The following DRGX variants were observed in gnomAD, a reference collection of about 807,000 sequenced individuals.
DRGX encodes dorsal root ganglia homeobox.
A neutral mutation model predicts 28.6 loss-of-function variants in DRGX; 21 were observed. That is an observed-to-expected ratio of 0.73 (90% CI 0.52 to 1.06). The LOEUF (loss-of-function observed/expected upper bound fraction) is 1.06. DRGX is among the 50% of genes least tolerant of loss of function. The pLI is 0.00. For missense variants in DRGX, 354 were observed against 343.9 expected, an observed-to-expected ratio of 1.03 and a Z score of -0.23; for synonymous variants, 136 against 139.1, an observed-to-expected ratio of 0.98 and a Z score of 0.16.
Position 49,365,628 on chromosome 10 carries a change from T to G in DRGX, c.*488A>C. Reference sequence around the variant, plus strand: ...AGAGAAAGGGCATTACTGCTCATCTTGGTCCAGGGGAGCAAGAGTCGCTTG... The same window carrying G: ...AGAGAAAGGGCATTACTGCTCATCTGGGTCCAGGGGAGCAAGAGTCGCTTG... On this transcript the variant is annotated 3_prime_UTR_variant, in exon 7 of 7. Transcript: ENST00000374139. 1 of 153,850 alleles carries G rather than the reference T, an allele frequency of 6.5e-6. No homozygotes were observed. The highest frequency in any genetic ancestry group is 1.4e-5 in the Non-Finnish European group (1 of 69,142). The allele number at this position is 153,850 out of a possible 1,614,324, so 9.5% of individuals were successfully genotyped here.
intron 6 of DRGX, among the ~76,000 whole-genome samples, chr10:49,383,012 G>A (rs1312825109): frequency 6.6e-6 from 1 of 152,034 alleles, no homozygotes; most frequent in Non-Finnish European, 1.5e-5. Context: ...CCAGGGTCCT[G>A]GAGCAGAGAT....
intron 6 of DRGX, among the ~76,000 whole-genome samples, chr10:49,383,757 G>A (rs1351574532): frequency 6.6e-6 from 1 of 152,202 alleles, no homozygotes; most frequent in Non-Finnish European, 1.5e-5. Flanking sequence ...TCCACAAGGA[G>A]CAGTCAGCAG....
intron 2 of DRGX, 37 bp downstream of exon 2, chr10:49,395,370 G>C: frequency 6.5e-7 from 1 of 1,547,834 alleles, no homozygotes; most frequent in East Asian, 2.4e-5. Flanking sequence ...GGCCGGCTCT[G>C]GCTTCATGGA....
At chr10:49,374,951 C>A (rs929609854) in intron 6 of DRGX, among the ~76,000 whole-genome samples, 1 of 152,186 alleles carries the variant, frequency 6.6e-6, no homozygotes, top group African/African-American at 2.4e-5. Flanking sequence ...CTTATTTCCA[C>A]TTTGTAGTAA....
chr10:49,383,709 C>A lies in DRGX; in HGVS notation c.526+2769G>T, dbSNP rs145841918. ...GGAGCTCTCGTGAATGGGACTCGTG[C>A]CCTCTTAAGAAGAGTCCTGAGAGGA... On this transcript the variant is annotated intron_variant, in intron 6 of 6. Transcript: ENST00000374139. Among the ~76,000 whole-genome samples the A allele has an allele frequency of 3.4e-3, 525 of 152,324 alleles. 2 individuals carry two copies. Among genetic ancestry groups the A allele is most frequent in the African/African-American group, 0.012 (506 of 41,566 alleles).
intron 4 of DRGX, among the ~76,000 whole-genome samples, chr10:49,388,377 CAG>C (rs1337179893): frequency 6.6e-6 from 1 of 152,270 alleles, no homozygotes; most frequent in Non-Finnish European, 1.5e-5. Flanking sequence ...ACACTGGCCC[CAG>C]AGAGAGCCTG....
At chr10:49,381,419 C>T (rs995545884) in intron 6 of DRGX, among the ~76,000 whole-genome samples, 4 of 152,264 alleles carry the variant, frequency 2.6e-5, no homozygotes, top group African/African-American at 9.6e-5. Flanking sequence ...CTGGCCCGAG[C>T]AGCCCTGCTG....
At chr10:49,392,663 G>A (rs1425066343) in intron 2 of DRGX, among the ~76,000 whole-genome samples, 2 of 152,146 alleles carry the variant, frequency 1.3e-5, no homozygotes, top group African/African-American at 4.8e-5. Flanking sequence ...CTCACAATGT[G>A]TACATGCAGA....
At chr10:49,389,348 C>T (rs966367543) in intron 4 of DRGX, among the ~76,000 whole-genome samples, 3 of 152,146 alleles carry the variant, frequency 2.0e-5, no homozygotes, top group African/African-American at 7.2e-5. Context: ...TAGATCTTTG[C>T]ATAGTCTTAA....
chr10:49,369,678 G>A (rs915686559), intron 6 of DRGX, among the ~76,000 whole-genome samples: 6 of 152,176 alleles, frequency 3.9e-5, no homozygotes, highest in African/African-American at 1.4e-4. Flanking sequence ...ACAACAGCAG[G>A]AAGGTGCTTA....
At chr10:49,393,015 A>T (rs1849926734) in intron 2 of DRGX, among the ~76,000 whole-genome samples, 1 of 152,236 alleles carries the variant, frequency 6.6e-6, no homozygotes, top group Non-Finnish European at 1.5e-5. Flanking sequence ...AGGTAATTTG[A>T]CAACATCCAT....
intron 6 of DRGX, among the ~76,000 whole-genome samples, chr10:49,385,439 C>T (rs996463753): frequency 2.0e-5 from 3 of 152,124 alleles, no homozygotes; most frequent in Admixed American, 2.0e-4. Context: ...CCTCCTCGCC[C>T]CTGGAACTCT....
At chr10:49,369,954 C>G (rs1235903480) in intron 6 of DRGX, among the ~76,000 whole-genome samples, 9 of 152,038 alleles carry the variant, frequency 5.9e-5, no homozygotes, top group Admixed American at 2.0e-4. Context: ...GTCCATGGGG[C>G]TGGCACTCTC....
chr10:49,381,034 C>A (rs1243821659), intron 6 of DRGX, among the ~76,000 whole-genome samples: 4 of 152,222 alleles, frequency 2.6e-5, no homozygotes, highest in Non-Finnish European at 5.9e-5. Context: ...CAGAGCGTTT[C>A]AGTGATTTAC....
intron 3 of DRGX, 117 bp downstream of exon 3, chr10:49,391,047 A>G: frequency 8.7e-7 from 1 of 1,144,048 alleles, no homozygotes; most frequent in Non-Finnish European, 1.3e-6. Context: ...GAAAACAGAA[A>G]GATTCAGTTA....
At position 49,365,494 on chromosome 10, in the gene DRGX, C is replaced by T. The variant is rs1211417040; in HGVS notation, c.*622G>A. On this transcript the variant is annotated 3_prime_UTR_variant, in exon 7 of 7. Coordinates refer to ENST00000374139, the MANE Select transcript of DRGX (RefSeq NM_001276451.2). The stretch of plus-strand genomic sequence containing the variant: ...CGGCCAGATGTGCCAGTGAGATCTC[C>T]TGGGTCAGAGCCACCGTGGTCCTCT... The T allele has an allele frequency of 6.6e-6, 1 of 152,320 alleles. No homozygotes were observed. Among genetic ancestry groups the T allele is most frequent in the Non-Finnish European group, 1.5e-5 (1 of 68,098 alleles). The allele number at this position is 152,320 out of a possible 1,614,324, so 9.4% of individuals were successfully genotyped here.
intron 6 of DRGX, among the ~76,000 whole-genome samples, chr10:49,373,168 C>T (rs905216172): frequency 6.6e-6 from 1 of 152,062 alleles, no homozygotes; most frequent in Non-Finnish European, 1.5e-5. Flanking sequence ...TCCTTGTGCA[C>T]ATATAGCAGC....
intron 6 of DRGX, among the ~76,000 whole-genome samples, chr10:49,368,005 C>G (rs1399185381): frequency 6.6e-6 from 1 of 152,170 alleles, no homozygotes; most frequent in Non-Finnish European, 1.5e-5. Flanking sequence ...ACCTCCCTTC[C>G]CAAGACAGCC....
At position 49,394,629 on chromosome 10, in the gene DRGX, C is replaced by T. The variant is rs552531576; in HGVS notation, c.34+778G>A. 7.2e-5 allele frequency among the ~76,000 whole-genome samples: 11 copies of T among 152,340 alleles called. No individual in the cohort carries two copies. In the South Asian group the frequency reaches 2.3e-3, roughly 32 times the overall value. ...ATCCTTGGATCCCTCGGGTCCTGAG[C>T]AGGGGCATGCTGAGGTCCCAACTGT... On this transcript the variant is annotated intron_variant, in intron 2 of 6. Coordinates refer to ENST00000374139, the MANE Select transcript of DRGX (RefSeq NM_001276451.2).
Sources: allele counts gnomAD v4.1 joint callset (sites outside exome capture counted in the v4.1 genomes callset), GRCh38; gene constraint gnomAD v4.1.1; transcripts MANE v1.5; gene names NCBI Gene and HGNC (gene_info 2026-07-23, HGNC 2026-07-21).